SOX6: variants seen among roughly 807,000 people sequenced by gnomAD.
The protein encoded by SOX6 is transcription factor SOX-6.
Under a neutral mutation model 97.8 loss-of-function variants are expected in SOX6, and 11 were observed. The observed-to-expected ratio is 0.11, with a 90% CI of 0.07 to 0.19. The LOEUF (loss-of-function observed/expected upper bound fraction) is 0.19, where lower values mean the gene tolerates loss of function less well. SOX6 is among the 10% of genes least tolerant of loss of function. The probability of loss-of-function intolerance (pLI) is 1.00; values close to 1 mark genes in which losing one functional copy is unlikely to be tolerated. For missense variants in SOX6, 810 were observed against 1,039.5 expected, an observed-to-expected ratio of 0.78 and a Z score of 3.04; for synonymous variants, 360 against 371.4, an observed-to-expected ratio of 0.97 and a Z score of 0.35.
intron 4 of SOX6, among the ~76,000 whole-genome samples, chr11:16,540,123 C>T (rs911953893): frequency 2.0e-5 from 3 of 152,100 alleles, no homozygotes; most frequent in Admixed American, 6.6e-5. Flanking sequence ...TTATCCACCA[C>T]GATCAGGTCA....
chr11:16,340,466 G>T (rs1856594326), intron 2 of SOX6, among the ~76,000 whole-genome samples: 1 of 152,028 alleles, frequency 6.6e-6, no homozygotes, highest in Admixed American at 6.6e-5. Context: ...GAAAACTCCT[G>T]TAGTCTGATT....
chr11:16,187,155 C>G (rs918606761), intron 4 of SOX6, among the ~76,000 whole-genome samples, 200 bp from the exon 5 acceptor site: 1 of 152,010 alleles, frequency 6.6e-6, no homozygotes, highest in Non-Finnish European at 1.5e-5. Flanking sequence ...CTGTTCCTGC[C>G]AAGAGAAAGT....
rs148213107 is a variant in SOX6 at position 16,613,900 on chromosome 11, C to T, written n.430-1640G>A. On this transcript the variant is annotated intron_variant and non_coding_transcript_variant, in intron 3 of 5. Transcript: ENST00000524520. This position sits in a 1 kb window ranked among gnomAD's most constrained non-coding sequence, Gnocchi z 4.6. Reference sequence around the variant, plus strand: ...ACCCAGCTGACACTGGCCCAGCAGCCTTGGCGACCTCCCGGGACCGCCTGA... The same window carrying T: ...ACCCAGCTGACACTGGCCCAGCAGCTTTGGCGACCTCCCGGGACCGCCTGA... Among the ~76,000 whole-genome samples, 1,133 of 152,242 alleles carry T rather than the reference C, an allele frequency of 7.4e-3. 13 individuals are homozygous for T. Among genetic ancestry groups the T allele is most frequent in the Middle Eastern group, 0.024 (7 of 294 alleles).
At chr11:16,321,935 A>G (rs1393923) in intron 2 of SOX6, among the ~76,000 whole-genome samples, 15,502 of 152,192 alleles carry the variant, frequency 0.1, 844 homozygotes, top group African/African-American at 0.12. Flanking sequence ...TAAGCAATTC[A>G]TCTGAGTAAA....
intron 4 of SOX6, among the ~76,000 whole-genome samples, chr11:16,544,841 A>G (rs1847599147): frequency 6.6e-6 from 1 of 152,204 alleles, no homozygotes; most frequent in Non-Finnish European, 1.5e-5. Context: ...ATGTTAAAAC[A>G]GCTATTAAAA....
chr11:16,467,040 A>C (rs1422193312), intron 1 of SOX6, among the ~76,000 whole-genome samples: 3 of 152,190 alleles, frequency 2.0e-5, no homozygotes, highest in African/African-American at 4.8e-5. Context: ...TATGAAAAAA[A>C]AGTTCAACAT....
chr11:16,201,308 A>C (rs1851929963), intron 4 of SOX6, among the ~76,000 whole-genome samples: 1 of 152,136 alleles, frequency 6.6e-6, no homozygotes, highest in African/African-American at 2.4e-5. Context: ...TTCTCATTTA[A>C]TGTCAGTTTC....
At chr11:16,033,442 A>C (rs996461251) in intron 12 of SOX6, among the ~76,000 whole-genome samples, 1 of 152,160 alleles carries the variant, frequency 6.6e-6, no homozygotes, top group Non-Finnish European at 1.5e-5. Context: ...GACCGATTTC[A>C]AAGGCTCCTG....
intron 2 of SOX6, among the ~76,000 whole-genome samples, chr11:16,333,100 C>A (rs563834956): frequency 1.3e-3 from 191 of 152,204 alleles, no homozygotes; most frequent in African/African-American, 4.3e-3. Flanking sequence ...AAGTAGGATT[C>A]ATTATATTAA....
chr11:16,727,192 G>A (rs116881575), intron 2 of SOX6, among the ~76,000 whole-genome samples: 1,584 of 147,954 alleles, frequency 0.011, 18 homozygotes, highest in Middle Eastern at 0.031. Flanking sequence ...GATATTTTTG[G>A]GGAAATATGT....
chr11:16,336,773 T>C (rs1394642144), intron 2 of SOX6, among the ~76,000 whole-genome samples: 1 of 152,178 alleles, frequency 6.6e-6, no homozygotes, highest in Non-Finnish European at 1.5e-5. Context: ...TTTCATACCA[T>C]TCTCTGCCTC....
At chr11:16,275,467 A>AAAAAC (rs763189854) in intron 3 of SOX6, among the ~76,000 whole-genome samples, 76 of 149,702 alleles carry the variant, frequency 5.1e-4, no homozygotes, top group Non-Finnish European at 1.5e-4. Flanking sequence ...AAAAAGAACA[A>AAAAAC]AAAACAAAAC....
intron 4 of SOX6, among the ~76,000 whole-genome samples, chr11:16,524,718 T>C (rs1239339612): frequency 1.3e-5 from 2 of 152,158 alleles, no homozygotes; most frequent in African/African-American, 4.8e-5. Context: ...GACATGATTG[T>C]ATATCTAGAA....
At chr11:15,984,544 A>G (rs1206239734) in intron 15 of SOX6, among the ~76,000 whole-genome samples, 1 of 152,260 alleles carries the variant, frequency 6.6e-6, no homozygotes, top group African/African-American at 2.4e-5. Flanking sequence ...AAAGTGGACT[A>G]TGAATTAGTA....
intron 3 of SOX6, among the ~76,000 whole-genome samples, chr11:16,640,728 T>C (rs1214927259): frequency 6.6e-6 from 1 of 152,226 alleles, no homozygotes. Context: ...CTGATGGTAG[T>C]TTGTATTTCT....
chr11:16,243,233 T>C (rs772208004), intron 3 of SOX6, among the ~76,000 whole-genome samples: 10 of 151,974 alleles, frequency 6.6e-5, no homozygotes, highest in Admixed American at 2.0e-4. Context: ...TCAACTAATT[T>C]AACTCTAAAT....
At chr11:16,359,976 TGAGAGAGAAGA>T (rs1565111908), upstream of SOX6, among the ~76,000 whole-genome samples, 2 of 152,112 alleles carry the variant, frequency 1.3e-5, no homozygotes, top group African/African-American at 4.8e-5. Context: ...ACAAAGTAAA[TGAGAGAGAAGA>T]GATTCAAGTG....
chr11:16,234,504 G>T, intron 4 of SOX6, 78 bp downstream of exon 4: 1 of 826,926 alleles, frequency 1.2e-6, no homozygotes, highest in Non-Finnish European at 2.0e-6. Flanking sequence ...TTACAGTACA[G>T]AAGATCAGCA....
At chr11:16,648,062 A>C (rs978297776) in intron 3 of SOX6, among the ~76,000 whole-genome samples, 2 of 152,132 alleles carry the variant, frequency 1.3e-5, no homozygotes, top group Non-Finnish European at 2.9e-5. Flanking sequence ...GAGTGAGTGC[A>C]GGAGTGTAGG....
Sources: allele counts gnomAD v4.1 joint callset (sites outside exome capture counted in the v4.1 genomes callset), GRCh38; gene constraint gnomAD v4.1.1; non-coding constraint Gnocchi (gnomAD v3.1); transcripts MANE v1.5; gene names NCBI Gene and HGNC (gene_info 2026-07-23, HGNC 2026-07-21).